The following C2CD4C variants were observed in gnomAD, a reference collection of about 807,000 sequenced individuals.
C2CD4C encodes C2 calcium dependent domain containing 4C.
In C2CD4C, 3 loss-of-function variants were observed where a neutral mutation model predicts 4.1. The observed-to-expected ratio is 0.73, with a 90% CI of 0.33 to 1.88. C2CD4C has a LOEUF of 1.88. C2CD4C is among the 40% of genes most tolerant of loss of function. The pLI is 0.08. For synonymous variants in C2CD4C, 364 were observed against 290.4 expected (o/e 1.25, Z -2.57); for missense variants, 664 against 621.5 (o/e 1.07, Z -0.73).
In C2CD4C at chr19:407,030, C is replaced by G. The variant is rs1974001673; in HGVS notation, c.*66G>C. 7.1e-7 allele frequency: 1 copy of G among 1,414,734 alleles called. No individual in the cohort carries two copies. Among genetic ancestry groups the G allele is most frequent in the Non-Finnish European group, 9.4e-7 (1 of 1,067,820 alleles). The allele number at this position is 1,414,734 out of a possible 1,614,324, so 87.6% of individuals were successfully genotyped here. ...AAGCCAGCGGACCCGCCCGCCAGCA[C>G]CCGGTGTGGAGGAGAGACCGGGGTC... On this transcript the variant is annotated 3_prime_UTR_variant, in exon 2 of 2. Coordinates refer to ENST00000332235, the MANE Select transcript of C2CD4C (RefSeq NM_001136263.2).
chr19:406,985 T>TACCCCCCCCC lies in C2CD4C; in HGVS notation c.*110_*111insGGGGGGGGGT. 6 of 616,500 alleles carry TACCCCCCCCC rather than the reference T, an allele frequency of 9.7e-6. No homozygotes were observed. The highest frequency in any genetic ancestry group is 1.0e-5 in the Non-Finnish European group (4 of 384,124). 38.2% of individuals were successfully genotyped at this position (616,500 alleles called of 1,614,324 possible). A position where few individuals can be genotyped will look rare whatever the true frequency, so the allele number is the denominator to read the frequency against. ...CCAGCCCAGCCTGAGTGTGAGCCCCTCCCCGGCCAGCCCCAGCCCAAGCCA... is the reference window on the plus strand; with the variant it reads ...CCAGCCCAGCCTGAGTGTGAGCCCCTACCCCCCCCCCCCCGGCCAGCCCCAGCCCAAGCCA... On this transcript the variant is annotated 3_prime_UTR_variant, in exon 2 of 2. Coordinates refer to ENST00000332235, the MANE Select transcript of C2CD4C (RefSeq NM_001136263.2).
At position 408,256 on chromosome 19, in the gene C2CD4C, G is replaced by A. The variant is rs941101868; in HGVS notation, c.106C>T (p.Pro36Ser). Reference sequence around the variant, plus strand: ...GGCGTCAACACATTGCTGTACAGGGGCCCCTTGGAGGCCTTGTCCCCCGCC... The same window carrying A: ...GGCGTCAACACATTGCTGTACAGGGACCCCTTGGAGGCCTTGTCCCCCGCC... ...SEAGDKASKG[P>S]LYSNVLTPDK... The change falls in exon 2 of 2, where the codon CCC (proline) becomes TCC (serine). Residue 36 changes from proline to serine, a missense_variant. Pro to Ser is a moderately conservative substitution (Grantham distance 74, BLOSUM62 -1). Coordinates refer to ENST00000332235, the MANE Select transcript of C2CD4C (RefSeq NM_001136263.2). 6 of 1,504,920 alleles carry A rather than the reference G, an allele frequency of 4.0e-6. No individual in the cohort carries two copies. The highest frequency in any genetic ancestry group is 1.7e-4 in the Middle Eastern group (1 of 5,724). 93.2% of individuals were successfully genotyped at this position (1,504,920 alleles called of 1,614,324 possible).
In C2CD4C at chr19:407,183, C is replaced by G. The variant is rs1424619395; in HGVS notation, c.1179G>C (p.Lys393Asn). 2.6e-6 allele frequency: 4 copies of G among 1,550,128 alleles called. No individual in the cohort carries two copies. The highest frequency in any genetic ancestry group is 3.5e-6 in the Non-Finnish European group (4 of 1,146,882). Residue 393 changes from lysine to asparagine, a missense_variant, in exon 2 of 2, where the codon AAG becomes AAC. Physicochemically the swap from Lys to Asn is moderately conservative, Grantham distance 94 (BLOSUM62 0). Transcript: ENST00000332235. Reference sequence around the variant, plus strand: ...TGAGGCTGCTGCCCTTGTTCACCACCTTGATCCTGAGGGCCAGTTTCCGGA... The same window carrying G: ...TGAGGCTGCTGCCCTTGTTCACCACGTTGATCCTGAGGGCCAGTTTCCGGA... The part of the protein sequence containing the change: ...ASVRKLALRI[K>N]VVNKGSSLKR...
At position 408,273 on chromosome 19, in the gene C2CD4C, T is replaced by C; in HGVS notation, c.89A>G (p.Asp30Gly). 6.6e-7 allele frequency: 1 copy of C among 1,513,060 alleles called. No individual in the cohort carries two copies. Among genetic ancestry groups the C allele is most frequent in the African/African-American group, 1.4e-5 (1 of 70,540 alleles). 93.7% of individuals were successfully genotyped at this position (1,513,060 alleles called of 1,614,324 possible). Residue 30 changes from aspartate to glycine, a missense_variant, in exon 2 of 2, where the codon GAC (aspartate) becomes GGC (glycine). By Grantham distance (94) the Asp-to-Gly change is moderately conservative (BLOSUM62 -1). Transcript: ENST00000332235. Reference protein sequence around the residue: ...AARGVGSEAGDKASKGPLYSN... With the variant: ...AARGVGSEAGGKASKGPLYSN... ...GTACAGGGGCCCCTTGGAGGCCTTG[T>C]CCCCCGCCTCACTCCCCACGCCCCG...
Position 408,239 on chromosome 19 carries a change from C to T in C2CD4C, c.123G>A (p.Val41=). The T allele has an allele frequency of 6.7e-7, 1 of 1,484,694 alleles. No homozygotes were observed. Among genetic ancestry groups the T allele is most frequent in the Non-Finnish European group, 8.9e-7 (1 of 1,120,718 alleles). 92.0% of individuals were successfully genotyped at this position (1,484,694 alleles called of 1,614,324 possible). Residue 41 remains valine (V), a synonymous_variant, in exon 2 of 2, where the codon GTG becomes GTA. Coordinates refer to ENST00000332235, the MANE Select transcript of C2CD4C (RefSeq NM_001136263.2). Reference sequence around the variant, plus strand: ...AGTCGGGGATCTTGTCGGGCGTCAACACATTGCTGTACAGGGGCCCCTTGG... The same window carrying T: ...AGTCGGGGATCTTGTCGGGCGTCAATACATTGCTGTACAGGGGCCCCTTGG... ...KASKGPLYSN[V]LTPDKIPDFF...
At chr19:408,534 C>T in intron 1 of C2CD4C, 133 bp from the exon 2 acceptor site, 1 of 608,110 alleles carries the variant, frequency 1.6e-6, no homozygotes, top group South Asian at 2.1e-5. Context: ...GGGGGCGTCC[C>T]GCCCAGGCGC....
rs758136556 is a variant in C2CD4C at position 408,162 on chromosome 19, G to A, written c.200C>T (p.Ala67Val). 5.9e-5 allele frequency: 86 copies of A among 1,452,384 alleles called. 1 individual carries two copies. The highest frequency in any genetic ancestry group is 3.6e-5 in the Non-Finnish European group (40 of 1,102,168). 90.0% of individuals were successfully genotyped at this position (1,452,384 alleles called of 1,614,324 possible). A position where few individuals can be genotyped will look rare whatever the true frequency, so the allele number is the denominator to read the frequency against. Residue 67 changes from alanine (A) to valine (V), a missense_variant, in exon 2 of 2, where the codon GCC becomes GTC. Coordinates refer to ENST00000332235, the MANE Select transcript of C2CD4C (RefSeq NM_001136263.2). ...PSGPAEGEGQ[A>V]ALGPSTSEQN... ...TTCCGACGTGGAGGGGCCCAGCGCG[G>A]CCTGTCCCTCGCCCTCCGCGGGGCC...
At chr19:408,505 G>A (rs1364015981) in intron 1 of C2CD4C, 104 bp from the exon 2 acceptor site, 2 of 649,446 alleles carry the variant, frequency 3.1e-6, no homozygotes, top group Admixed American at 7.3e-5. Flanking sequence ...CCGGCGGGGT[G>A]GGGGTGGAGG....
Position 407,263 on chromosome 19 carries a change from G to A in C2CD4C, c.1099C>T (p.Arg367Cys), listed in dbSNP as rs769630293. Residue 367 changes from arginine to cysteine, a missense_variant, in exon 2 of 2, where the codon CGC becomes TGC. Arg to Cys is a radical substitution (Grantham distance 180, BLOSUM62 -3). Transcript: ENST00000332235. ...KQRSTIVKNSRRPVFNEDFFF... is the reference protein window; with the variant it reads ...KQRSTIVKNSCRPVFNEDFFF... ...AAATCCTCGTTGAAGACGGGGCGGC[G>A]GCTGTTCTTCACGATGGTGCTGCGC... 3 of 1,550,112 alleles carry A rather than the reference G, an allele frequency of 1.9e-6. No homozygotes were observed. Among genetic ancestry groups the A allele is most frequent in the African/African-American group, 1.4e-5 (1 of 73,058 alleles).
chr19:406,838 T>C lies in C2CD4C; in HGVS notation c.*258A>G. 1 of 487,982 alleles carries C rather than the reference T, an allele frequency of 2.0e-6. No homozygotes were observed. The allele number at this position is 487,982 out of a possible 1,614,324, so 30.2% of individuals were successfully genotyped here. Reference sequence around the variant, plus strand: ...TGCCCCGCGAAGTGGCCCCTTCTCTTCCCCCGAGGCCCCTCTCCTCCTCCT... The same window carrying C: ...TGCCCCGCGAAGTGGCCCCTTCTCTCCCCCCGAGGCCCCTCTCCTCCTCCT... On this transcript the variant is annotated 3_prime_UTR_variant, in exon 2 of 2. Coordinates refer to ENST00000332235, the MANE Select transcript of C2CD4C (RefSeq NM_001136263.2).
chr19:407,467 G>A lies in C2CD4C; in HGVS notation c.895C>T (p.His299Tyr), dbSNP rs1407417957. 1.4e-6 allele frequency: 2 copies of A among 1,418,172 alleles called. No homozygotes were observed. Among genetic ancestry groups the A allele is most frequent in the Non-Finnish European group, 1.8e-6 (2 of 1,092,778 alleles). The allele number at this position is 1,418,172 out of a possible 1,614,324, so 87.8% of individuals were successfully genotyped here. The change falls in exon 2 of 2, where the codon CAC becomes TAC. Residue 299 changes from histidine (H) to tyrosine (Y), a missense_variant. His to Tyr is a moderately conservative substitution (Grantham distance 83). Transcript: ENST00000332235. Reference sequence around the variant, plus strand: ...CCCCGAGGGCCCACGTGGACCGTGTGCTCCCCACGCGCCTGGCCCGACTCG... The same window carrying A: ...CCCCGAGGGCCCACGTGGACCGTGTACTCCCCACGCGCCTGGCCCGACTCG... ...GPESGQARGE[H>Y]TVHVGPRGSV...
In C2CD4C at chr19:407,478, G is replaced by C; in HGVS notation, c.884C>G (p.Ala295Gly). The C allele has an allele frequency of 1.4e-6, 2 of 1,385,550 alleles. No individual in the cohort carries two copies. The highest frequency in any genetic ancestry group is 1.6e-5 in the South Asian group (1 of 61,514). 85.8% of individuals were successfully genotyped at this position (1,385,550 alleles called of 1,614,324 possible). Residue 295 changes from alanine (A) to glycine (G), a missense_variant, in exon 2 of 2, where the codon GCG becomes GGG. Coordinates refer to ENST00000332235, the MANE Select transcript of C2CD4C (RefSeq NM_001136263.2). ...PPEPGPESGQ[A>G]RGEHTVHVGP... ...CACGTGGACCGTGTGCTCCCCACGC[G>C]CCTGGCCCGACTCGGGGCCAGGTTC... is the stretch of plus-strand genomic sequence containing the variant.
At chr19:408,794 G>GC (rs1172678017) in intron 1 of C2CD4C, among the ~76,000 whole-genome samples, 3 of 152,058 alleles carry the variant, frequency 2.0e-5, no homozygotes, top group Non-Finnish European at 4.4e-5. Context: ...TCCCAGCTCC[G>GC]CCCCCCCGGC....
rs757907580 is a variant in C2CD4C at position 406,950 on chromosome 19, G to A, written c.*146C>T. On this transcript the variant is annotated 3_prime_UTR_variant, in exon 2 of 2. Transcript: ENST00000332235. ...CCCAGGAAACCCTGCGTCAGCTACA[G>A]CATCAGCGCCCAGCCCAGCCTGAGT... 1.4e-5 allele frequency: 8 copies of A among 577,008 alleles called. No homozygotes were observed. The East Asian group carries it at 1.7e-4, about 12-fold the overall frequency. The allele number at this position is 577,008 out of a possible 1,614,324, so 35.7% of individuals were successfully genotyped here. A position where few individuals can be genotyped will look rare whatever the true frequency, so the allele number is the denominator to read the frequency against.
chr19:407,633 G>A lies in C2CD4C; in HGVS notation c.729C>T (p.Ala243=). ...SRSVSLLKGF[A]QDSQAKVSQL... ...GGCTCACCTTGGCCTGGCTGTCCTGGGCGAAACCTTTGAGCAGAGACACGG... is the reference window on the plus strand; with the variant it reads ...GGCTCACCTTGGCCTGGCTGTCCTGAGCGAAACCTTTGAGCAGAGACACGG... Residue 243 remains alanine (A), a synonymous_variant, in exon 2 of 2, where the codon GCC becomes GCT. Transcript: ENST00000332235. 2 of 1,476,180 alleles carry A rather than the reference G, an allele frequency of 1.4e-6. No homozygotes were observed. Among genetic ancestry groups the A allele is most frequent in the South Asian group, 1.4e-5 (1 of 73,332 alleles). The allele number at this position is 1,476,180 out of a possible 1,614,324, so 91.4% of individuals were successfully genotyped here.
intron 1 of C2CD4C, among the ~76,000 whole-genome samples, chr19:408,660 G>C (rs1252031779): frequency 6.6e-6 from 1 of 152,196 alleles, no homozygotes; most frequent in Non-Finnish European, 1.5e-5. Flanking sequence ...TCTCCGGGGA[G>C]CTCCCAGAGG....
In C2CD4C at chr19:407,411, G is replaced by A. The variant is rs1021422057; in HGVS notation, c.951C>T (p.Ala317=). Residue 317 remains alanine, a synonymous_variant, in exon 2 of 2, where the codon GCC becomes GCT. Coordinates refer to ENST00000332235, the MANE Select transcript of C2CD4C (RefSeq NM_001136263.2). ...GSVRLLAEYE[A]GQARLRVHLL... is the part of the protein sequence containing the mutation. Reference sequence around the variant, plus strand: ...GGTGCACCCGCAGGCGGGCCTGGCCGGCCTCGTACTCGGCCAGCAGCCGCA... The same window carrying A: ...GGTGCACCCGCAGGCGGGCCTGGCCAGCCTCGTACTCGGCCAGCAGCCGCA... The A allele has an allele frequency of 2.1e-4, 326 of 1,529,244 alleles. No individual in the cohort carries two copies. The highest frequency in any genetic ancestry group is 2.7e-4 in the Non-Finnish European group (313 of 1,142,548). The allele number at this position is 1,529,244 out of a possible 1,614,324, so 94.7% of individuals were successfully genotyped here.
chr19:408,344 C>T lies in C2CD4C; in HGVS notation c.18G>A (p.Met6Ile). The change falls in exon 2 of 2, where the codon ATG (methionine) becomes ATA (isoleucine). Residue 6 changes from methionine (M) to isoleucine (I), a missense_variant. Physicochemically the swap from Met to Ile is conservative, Grantham distance 10. Transcript: ENST00000332235. The stretch of plus-strand genomic sequence containing the variant: ...ACCCCCGAAGCCGCTCCAAGAACCA[C>T]ATGTTGGTTTTTCTCATGGGGGCGG... MRKTNMWFLERLRGSG... is the reference protein window; with the variant it reads MRKTNIWFLERLRGSG... The T allele has an allele frequency of 1.3e-6, 2 of 1,547,890 alleles. No homozygotes were observed. The highest frequency in any genetic ancestry group is 1.7e-6 in the Non-Finnish European group (2 of 1,145,886).
At position 406,656 on chromosome 19, in the gene C2CD4C, C is replaced by T. The variant is rs538595960; in HGVS notation, c.*440G>A. On this transcript the variant is annotated 3_prime_UTR_variant, in exon 2 of 2. Transcript: ENST00000332235. ...GCAGGCTGTGGGGGAGGAAGACACA[C>T]GTGCAGTGAAGGAGACTGTGGGCTC... 7.2e-4 allele frequency: 114 copies of T among 158,070 alleles called. No homozygotes were observed. Among genetic ancestry groups the T allele is most frequent in the Non-Finnish European group, 1.4e-3 (99 of 72,214 alleles). The allele number at this position is 158,070 out of a possible 1,614,324, so 9.8% of individuals were successfully genotyped here.
Sources: gnomAD v4.1 joint callset for allele counts (sites outside exome capture counted in the v4.1 genomes callset) on GRCh38, gnomAD v4.1.1 for gene constraint, MANE v1.5 for transcripts, NCBI Gene and HGNC (gene_info 2026-07-23, HGNC 2026-07-21) for gene names.